Variants in PI4KA observed in about 807,000 individuals in gnomAD.
PI4KA encodes PI4-kinase alpha.
Under a neutral mutation model 271.4 loss-of-function variants are expected in PI4KA, and 122 were observed. That is an observed-to-expected ratio of 0.45 (90% confidence interval 0.39 to 0.52). The LOEUF is 0.52. Among genes scored for constraint, PI4KA ranks in the 20% least tolerant of loss-of-function variants. The probability of loss-of-function intolerance (pLI) is 0.00; values close to 1 mark genes in which losing one functional copy is unlikely to be tolerated. For missense variants in PI4KA, 1,969 were observed against 2,769.1 expected (o/e 0.71, Z 6.48); for synonymous variants, 1,041 against 1,078.8 (o/e 0.96, Z 0.69).
chr22:20,780,655 A>C (rs1344809249), intron 19 of PI4KA, among the ~76,000 whole-genome samples: 1 of 151,670 alleles, frequency 6.6e-6, no homozygotes, highest in Non-Finnish European at 1.5e-5. Context: ...GGGTGCCTGT[A>C]CTCCCAGCTA....
chr22:20,727,782 C>T lies in PI4KA; in HGVS notation c.4765G>A (p.Ala1589Thr). The T allele has an allele frequency of 6.2e-7, 1 of 1,613,544 alleles. No individual in the cohort carries two copies. Among genetic ancestry groups the T allele is most frequent in the Non-Finnish European group, 8.5e-7 (1 of 1,179,504 alleles). ...DPGAVSDVPE[A>T]IKFLVTWHTI... The stretch of plus-strand genomic sequence containing the variant: ...TACGTGGGCTACACTACCTTGATTG[C>T]TTCAGGCACATCACTAACGGCTCCC... Residue 1589 changes from alanine to threonine, a missense_variant, in exon 40 of 55, where the codon GCA (alanine) becomes ACA (threonine). Ala to Thr is a moderately conservative substitution (Grantham distance 58). This residue lies in a region of PI4KA where 388 missense variants were observed against 521.5 expected (regional missense o/e 0.74). Transcript: ENST00000255882.
At position 20,729,886 on chromosome 22, in the gene PI4KA, A is replaced by G. The variant is rs951255368; in HGVS notation, c.4408+6T>C. On this transcript the variant is annotated splice_donor_region_variant and intron_variant, in intron 37 of 54. Transcript: ENST00000255882. The stretch of plus-strand genomic sequence containing the variant: ...TGATGGCCCCAGCAGCACACCTCCC[A>G]CCGACCTGATTTCTTGGAGATGGTG... The G allele has an allele frequency of 1.2e-6, 2 of 1,613,944 alleles. No individual in the cohort carries two copies. Among genetic ancestry groups the G allele is most frequent in the Non-Finnish European group, 1.7e-6 (2 of 1,180,004 alleles).
chr22:20,804,202 G>C (rs571571346), intron 12 of PI4KA, 98 bp downstream of exon 12: 6 of 808,586 alleles, frequency 7.4e-6, no homozygotes, highest in South Asian at 1.4e-5. Flanking sequence ...CAGGGTCTCC[G>C]CTGCTGGTGT....
intron 1 of PI4KA, among the ~76,000 whole-genome samples, chr22:20,841,303 T>G (rs1445446591): frequency 1.3e-5 from 2 of 152,164 alleles, no homozygotes; most frequent in Non-Finnish European, 2.9e-5. Context: ...AGTTTAGCCA[T>G]ACTGCCAGTG....
chr22:20,799,178 A>T lies in PI4KA; in HGVS notation c.1919T>A (p.Ile640Asn). 6.2e-7 allele frequency: 1 copy of T among 1,608,130 alleles called. No individual in the cohort carries two copies. The highest frequency in any genetic ancestry group is 8.5e-7 in the Non-Finnish European group (1 of 1,177,040). ...TGGCTGGCAGAATTTCTGCTGTAGG[A>T]TCTGCAGAATGGGCTCCATGACCTT... is the stretch of plus-strand genomic sequence containing the variant. ...TPKVMEPILQ[I>N]LQQKFCQPPS... Residue 640 changes from isoleucine to asparagine, a missense_variant, in exon 16 of 55, where the codon ATC (isoleucine) becomes AAC (asparagine). By Grantham distance (149) the Ile-to-Asn change is moderately radical (BLOSUM62 -3). This residue lies in a region of PI4KA where 228 missense variants were observed against 261.6 expected (regional missense o/e 0.87). Coordinates refer to ENST00000255882, the MANE Select transcript of PI4KA (RefSeq NM_058004.4).
intron 29 of PI4KA, among the ~76,000 whole-genome samples, chr22:20,745,236 C>T (rs192572383): frequency 1.6e-4 from 24 of 152,230 alleles, no homozygotes; most frequent in African/African-American, 5.1e-4. Flanking sequence ...TGAAAACTAC[C>T]GCCCACCCAC....
At chr22:20,769,330 G>C (rs768870505) in intron 19 of PI4KA, among the ~76,000 whole-genome samples, 8 of 152,136 alleles carry the variant, frequency 5.3e-5, no homozygotes, top group Non-Finnish European at 2.9e-5. Flanking sequence ...TGTCTTGGCT[G>C]AGACTGCTCT....
chr22:20,845,136 A>C (rs1052314872), intron 1 of PI4KA, among the ~76,000 whole-genome samples: 1 of 152,224 alleles, frequency 6.6e-6, no homozygotes, highest in Non-Finnish European at 1.5e-5. Context: ...TGACTGACTT[A>C]GACTTTGATA....
chr22:20,733,238 G>T (rs1362912988), intron 35 of PI4KA, 140 bp from the exon 36 acceptor site: 1 of 850,674 alleles, frequency 1.2e-6, no homozygotes, highest in Non-Finnish European at 1.9e-6. Flanking sequence ...TAGCAAGGAT[G>T]ATCTGGCCCA....
Position 20,796,320 on chromosome 22 carries a change from G to A in PI4KA, c.2109-6C>T. Reference sequence around the variant, plus strand: ...TCACTGCCAGGGAGCAATGCCTGAAGAAGAAGGAGTGAAATAACAGCCACT... The same window carrying A: ...TCACTGCCAGGGAGCAATGCCTGAAAAAGAAGGAGTGAAATAACAGCCACT... On this transcript the variant is annotated splice_polypyrimidine_tract_variant and splice_region_variant and intron_variant, in intron 17 of 54. Transcript: ENST00000255882. 6.2e-7 allele frequency: 1 copy of A among 1,611,214 alleles called. No homozygotes were observed. Among genetic ancestry groups the A allele is most frequent in the Non-Finnish European group, 8.5e-7 (1 of 1,178,360 alleles).
Position 20,758,384 on chromosome 22 carries a change from A to C in PI4KA, c.2791+2920T>G, listed in dbSNP as rs566659889. On this transcript the variant is annotated intron_variant, in intron 23 of 54. Coordinates refer to ENST00000255882, the MANE Select transcript of PI4KA (RefSeq NM_058004.4). ...TGTCTCAAAAAAAAAAAAAAAAAAA[A>C]AAAAACATGAGATTCTGTGTCTTAA... Among the ~76,000 whole-genome samples the C allele has an allele frequency of 8.2e-5, 12 of 146,484 alleles. No individual in the cohort carries two copies. The South Asian group carries it at 1.1e-3, about 13-fold the overall frequency.
At chr22:20,815,836 G>C (rs1393861577) in intron 7 of PI4KA, among the ~76,000 whole-genome samples, 1 of 152,214 alleles carries the variant, frequency 6.6e-6, no homozygotes, top group Non-Finnish European at 1.5e-5. Context: ...TAAGTCCTGT[G>C]TGGCTGAACC....
chr22:20,708,158 C>T, intron 54 of PI4KA, 60 bp from the exon 55 acceptor site: 1 of 1,368,780 alleles, frequency 7.3e-7, no homozygotes, highest in Non-Finnish European at 1.0e-6. Context: ...TGGGGTCCCT[C>T]CCCACAGGGA....
At chr22:20,742,428 A>C in intron 31 of PI4KA, 73 bp from the exon 32 acceptor site, 1 of 1,583,892 alleles carries the variant, frequency 6.3e-7, no homozygotes, top group Non-Finnish European at 8.6e-7. Context: ...CTGGGCCAAC[A>C]AGAGTTGACC....
At position 20,820,750 on chromosome 22, in the gene PI4KA, T is replaced by C. The variant is rs1259753372; in HGVS notation, c.457-139A>G. On this transcript the variant is annotated intron_variant, in intron 4 of 54. Transcript: ENST00000255882. ...ATGATACATCCCTCCACAACGACTG[T>C]GCCAAGTGGCCAACCAGCTGACTTT... 6.3e-6 allele frequency: 4 copies of C among 637,710 alleles called. No individual in the cohort carries two copies. The African/African-American group carries it at 7.3e-5, about 12-fold the overall frequency. The allele number at this position is 637,710 out of a possible 1,614,324, so 39.5% of individuals were successfully genotyped here.
At position 20,807,594 on chromosome 22, in the gene PI4KA, A is replaced by G; in HGVS notation, c.1072-136T>C. Reference sequence around the variant, plus strand: ...ATGAAGCAACTGTTTATCATGACTCATCACTTGGACACTCTACTGTCTTCA... The same window carrying G: ...ATGAAGCAACTGTTTATCATGACTCGTCACTTGGACACTCTACTGTCTTCA... On this transcript the variant is annotated intron_variant, in intron 9 of 54. Coordinates refer to ENST00000255882, the MANE Select transcript of PI4KA (RefSeq NM_058004.4). The G allele has an allele frequency of 4.8e-6, 3 of 620,058 alleles. No individual in the cohort carries two copies. In the South Asian group the frequency reaches 5.5e-5, roughly 11 times the overall value. The allele number at this position is 620,058 out of a possible 1,614,324, so 38.4% of individuals were successfully genotyped here.
chr22:20,721,492 C>G (rs1392085218), intron 42 of PI4KA, 74 bp from the exon 43 acceptor site: 8 of 1,539,860 alleles, frequency 5.2e-6, no homozygotes, highest in Middle Eastern at 2.2e-4. Context: ...CAGCTGCTGA[C>G]TCCCGGCATT....
chr22:20,750,982 T>C (rs1568987693), intron 27 of PI4KA, among the ~76,000 whole-genome samples: 1 of 152,158 alleles, frequency 6.6e-6, no homozygotes, highest in Non-Finnish European at 1.5e-5. Flanking sequence ...CGACGCAGAC[T>C]CGAGAGGCTA....
At chr22:20,839,218 AAAAC>A (rs746226816) in intron 1 of PI4KA, among the ~76,000 whole-genome samples, 188 of 152,360 alleles carry the variant, frequency 1.2e-3, no homozygotes, top group African/African-American at 3.8e-3. Flanking sequence ...CTCTGTCTCA[AAAAC>A]AAACAAACAA....
Sources: gnomAD v4.1 joint callset for allele counts (sites outside exome capture counted in the v4.1 genomes callset) on GRCh38, gnomAD v4.1.1 for gene constraint, gnomAD v4.1.1 regional missense constraint, MANE v1.5 for transcripts, NCBI Gene and HGNC (gene_info 2026-07-23, HGNC 2026-07-21) for gene names.